Variants in ECE1 observed in about 807,000 individuals in gnomAD.
ECE1 encodes endothelin-converting enzyme 1.
A neutral mutation model predicts 98.6 loss-of-function variants in ECE1; 35 were observed. The observed-to-expected ratio is 0.35, with a 90% CI of 0.27 to 0.47. ECE1 has a LOEUF of 0.47. Among genes scored for constraint, ECE1 ranks in the 20% least tolerant of loss-of-function variants. The pLI, the probability that ECE1 is intolerant of heterozygous loss-of-function variation, is 1.00. For missense variants in ECE1, 814 were observed against 1,025.3 expected (o/e 0.79, Z 2.81); for synonymous variants, 394 against 407.1 (o/e 0.97, Z 0.39).
chr1:21,315,134 T>A (rs1638806149), intron 1 of ECE1, among the ~76,000 whole-genome samples: 1 of 152,146 alleles, frequency 6.6e-6, no homozygotes, highest in East Asian at 1.9e-4. Flanking sequence ...CAAGCCAGAG[T>A]CAATACCTAT....
chr1:21,273,341 G>A (rs970710932), intron 3 of ECE1, among the ~76,000 whole-genome samples: 1 of 90,738 alleles, frequency 1.1e-5, no homozygotes. Flanking sequence ...GCCCGTGCGT[G>A]TGTGCGTGTG....
Position 21,307,629 on chromosome 1 carries a change from C to T in ECE1, c.4-17473G>A, listed in dbSNP as rs1638628175. ...GAGGCATTCCTGTCATTTGTCCCCACTGGGTCTGGGGCTGGGGCTTCTTTG... is the reference window on the plus strand; with the variant it reads ...GAGGCATTCCTGTCATTTGTCCCCATTGGGTCTGGGGCTGGGGCTTCTTTG... On this transcript the variant is annotated intron_variant, in intron 1 of 18. Coordinates refer to the ECE1 transcript ENST00000415912. This position sits in a 1 kb window ranked among gnomAD's most constrained non-coding sequence, Gnocchi z 4.2. 6.6e-6 allele frequency among the ~76,000 whole-genome samples: 1 copy of T among 152,214 alleles called. No individual in the cohort carries two copies. Among genetic ancestry groups the T allele is most frequent in the Non-Finnish European group, 1.5e-5 (1 of 68,044 alleles).
intron 4 of ECE1, 117 bp downstream of exon 4, chr1:21,272,582 G>A (rs760168048): frequency 3.3e-5 from 42 of 1,274,188 alleles, no homozygotes; most frequent in Admixed American, 9.8e-5. Flanking sequence ...GTGAGCCACC[G>A]TGCCCGGCCC....
At position 21,290,108 on chromosome 1, in the gene ECE1, A is replaced by G; in HGVS notation, c.100T>C (p.Ser34Pro). The change falls in exon 2 of 19, where the codon TCG becomes CCG. Residue 34 changes from serine to proline, a missense_variant. By Grantham distance (74) the Ser-to-Pro change is moderately conservative. This residue lies in a region of ECE1 where 257 missense variants were observed against 278.9 expected (regional missense o/e 0.92). Coordinates refer to ENST00000374893, the MANE Select transcript of ECE1 (RefSeq NM_001397.3). The surrounding 1 kb of genome is among the most constrained non-coding windows in gnomAD (Gnocchi z 7.3). ...ATLDEEDLVD[S>P]LSEGDAYPNG... is the part of the protein sequence containing the mutation. Reference sequence around the variant, plus strand: ...GGGTATGCGTCGCCCTCGGAGAGCGAGTCCACCAGGTCCTCCTCGTCCAGC... The same window carrying G: ...GGGTATGCGTCGCCCTCGGAGAGCGGGTCCACCAGGTCCTCCTCGTCCAGC... 1 of 1,553,588 alleles carries G rather than the reference A, an allele frequency of 6.4e-7. No individual in the cohort carries two copies. The highest frequency in any genetic ancestry group is 1.2e-5 in the South Asian group (1 of 84,304).
chr1:21,296,096 C>T (rs1447131671), intron 1 of ECE1, among the ~76,000 whole-genome samples: 1 of 152,122 alleles, frequency 6.6e-6, no homozygotes, highest in African/African-American at 2.4e-5. Flanking sequence ...CCAGTCTTGG[C>T]CTTTGTTCAG....
At chr1:21,277,781 A>G (rs998225477) in intron 3 of ECE1, among the ~76,000 whole-genome samples, 2 of 152,248 alleles carry the variant, frequency 1.3e-5, no homozygotes, top group African/African-American at 4.8e-5. Context: ...TCAAATATGC[A>G]TTAAGCACCT....
chr1:21,337,090 A>G (rs1639318317), intron 1 of ECE1, among the ~76,000 whole-genome samples: 1 of 152,222 alleles, frequency 6.6e-6, no homozygotes, highest in Non-Finnish European at 1.5e-5. Flanking sequence ...CCTCTGACCC[A>G]GGAGTTGCAC....
chr1:21,222,029 A>G (rs1573924083), intron 17 of ECE1, 187 bp from the exon 18 acceptor site: 1 of 650,756 alleles, frequency 1.5e-6, no homozygotes, highest in South Asian at 1.7e-5. Flanking sequence ...GGCTTAAAAT[A>G]CCTTCTACGC....
At chr1:21,292,017 G>A (rs747309735), upstream of ECE1, among the ~76,000 whole-genome samples, 94 of 151,180 alleles carry the variant, frequency 6.2e-4, 1 homozygote, top group Non-Finnish European at 9.6e-4. Context: ...TTAGCAGGAC[G>A]TGGTGGTATG....
chr1:21,236,165 T>C lies in ECE1; in HGVS notation c.1489-238A>G, dbSNP rs934595272. Among the ~76,000 whole-genome samples, 4 of 152,274 alleles carry C rather than the reference T, an allele frequency of 2.6e-5. No individual in the cohort carries two copies. The East Asian group carries it at 7.7e-4, about 29-fold the overall frequency. On this transcript the variant is annotated intron_variant, in intron 12 of 18. Coordinates refer to ENST00000374893, the MANE Select transcript of ECE1 (RefSeq NM_001397.3). ...AAGTCTTCCCTGACTCCCATCCCAC[T>C]GGAGGGTGCCAGAGCCTTCCCGACC...
intron 1 of ECE1, among the ~76,000 whole-genome samples, chr1:21,301,265 C>T (rs1387340393): frequency 2.6e-5 from 4 of 151,566 alleles, no homozygotes; most frequent in Non-Finnish European, 5.9e-5. Flanking sequence ...GAGGCCGAGG[C>T]GGGCGGATCA....
intron 8 of ECE1, among the ~76,000 whole-genome samples, chr1:21,248,270 A>C (rs557566213): frequency 5.6e-4 from 85 of 151,910 alleles, no homozygotes; most frequent in African/African-American, 2.0e-3. Flanking sequence ...TCCAGGGTTC[A>C]AGTGATTCTC....
chr1:21,338,929 A>G (rs1003585477), intron 1 of ECE1, among the ~76,000 whole-genome samples: 2 of 82,988 alleles, frequency 2.4e-5, no homozygotes, highest in African/African-American at 2.1e-4. Context: ...CTTCCCAGCC[A>G]AGGAGGGAAG....
upstream of ECE1, among the ~76,000 whole-genome samples, chr1:21,292,096 C>T (rs1037480311): frequency 2.6e-5 from 4 of 151,950 alleles, no homozygotes; most frequent in African/African-American, 7.3e-5. Context: ...GTGGCGGCTA[C>T]AGTGAGCTGT....
At chr1:21,338,071 C>T (rs948275147) in intron 1 of ECE1, among the ~76,000 whole-genome samples, 4 of 152,234 alleles carry the variant, frequency 2.6e-5, no homozygotes, top group African/African-American at 9.6e-5. Context: ...CTCTGCCCTC[C>T]CTCATCCCTC....
chr1:21,321,358 CTG>C (rs1245626613), intron 1 of ECE1, among the ~76,000 whole-genome samples: 1 of 152,214 alleles, frequency 6.6e-6, no homozygotes, highest in East Asian at 1.9e-4. Flanking sequence ...GGGGAAATCT[CTG>C]TGTGAATAAC....
At chr1:21,274,636 A>G (rs1025338500) in intron 3 of ECE1, among the ~76,000 whole-genome samples, 1 of 152,090 alleles carries the variant, frequency 6.6e-6, no homozygotes, top group South Asian at 2.1e-4. Flanking sequence ...TGTTCCCCTC[A>G]CTCAGGAACA....
intron 4 of ECE1, among the ~76,000 whole-genome samples, chr1:21,262,068 T>C (rs75323340): frequency 0.024 from 3,687 of 152,086 alleles, 84 homozygotes; most frequent in Non-Finnish European, 0.036. Context: ...AATAGCACCA[T>C]GGCTTTCACT....
intron 8 of ECE1, 55 bp from the exon 9 acceptor site, chr1:21,247,418 G>A: frequency 6.2e-7 from 1 of 1,613,382 alleles, no homozygotes; most frequent in South Asian, 1.1e-5. Flanking sequence ...TCACAGCCCA[G>A]GGCTCTAGGA....
Sources: allele counts gnomAD v4.1 joint callset (sites outside exome capture counted in the v4.1 genomes callset), GRCh38; gene constraint gnomAD v4.1.1; regional missense constraint gnomAD v4.1.1; non-coding constraint Gnocchi (gnomAD v3.1); transcripts MANE v1.5; gene names NCBI Gene and HGNC (gene_info 2026-07-23, HGNC 2026-07-21).